Variants in ZC3H12B observed in about 807,000 individuals in gnomAD.
ZC3H12B encodes the protein zinc finger CCCH-type containing 12B.
A neutral mutation model predicts 43.9 loss-of-function variants in ZC3H12B; 7 were observed. The observed-to-expected ratio is 0.16, with a 90% CI of 0.09 to 0.30. The LOEUF (loss-of-function observed/expected upper bound fraction) is 0.30. ZC3H12B is among the 10% of genes least tolerant of loss of function. The probability of loss-of-function intolerance (pLI) is 1.00; values close to 1 mark genes in which losing one functional copy is unlikely to be tolerated. For missense variants in ZC3H12B, 475 were observed against 670.2 expected (o/e 0.71, Z 3.22); for synonymous variants, 222 against 241.7 (o/e 0.92, Z 0.76).
intron 2 of ZC3H12B, among the ~76,000 whole-genome samples, chrX:65,397,904 A>C (rs756085080): frequency 1.3e-4 from 15 of 112,290 alleles, no homozygotes; most frequent in African/African-American, 4.5e-4. Flanking sequence ...CCAAAAATCT[A>C]TTAGAACTGA....
the ZC3H12B span, among the ~76,000 whole-genome samples, chrX:65,183,351 G>C: frequency 9.0e-6 from 1 of 111,497 alleles, no homozygotes; most frequent in African/African-American, 3.3e-5. Flanking sequence ...ACTTACATGT[G>C]AAAACTAAAC....
chrX:65,201,417 T>C, the ZC3H12B span, among the ~76,000 whole-genome samples: 3 of 111,912 alleles, frequency 2.7e-5, no homozygotes, highest in Non-Finnish European at 3.8e-5. Context: ...TTTTTGTTTG[T>C]GTTTATTTGA....
At chrX:65,399,340 A>G (rs2066737592) in intron 3 of ZC3H12B, among the ~76,000 whole-genome samples, 1 of 112,285 alleles carries the variant, frequency 8.9e-6, no homozygotes, top group African/African-American at 3.2e-5. Context: ...GAAAGGAAAA[A>G]TATAATAAGC....
At chrX:65,258,668 TC>T in the ZC3H12B span, among the ~76,000 whole-genome samples, 3 of 111,520 alleles carry the variant, frequency 2.7e-5, no homozygotes, top group Admixed American at 2.9e-4. Context: ...TAAGAAAAAC[TC>T]ATAGTCTCTT....
At chrX:65,192,450 T>C in the ZC3H12B span, among the ~76,000 whole-genome samples, 1 of 111,540 alleles carries the variant, frequency 9.0e-6, no homozygotes, top group Non-Finnish European at 1.9e-5. Flanking sequence ...ATAAAAGGCT[T>C]GCAGTTTTTC....
At chrX:65,462,772 A>G (rs1299171296) in intron 3 of ZC3H12B, among the ~76,000 whole-genome samples, 2 of 111,787 alleles carry the variant, frequency 1.8e-5, no homozygotes, top group South Asian at 3.7e-4. Context: ...CTGGGTATAT[A>G]TCCAAAAGAA....
the ZC3H12B span, among the ~76,000 whole-genome samples, chrX:65,101,968 C>T: frequency 1.8e-5 from 2 of 112,002 alleles, no homozygotes; most frequent in African/African-American, 3.2e-5. Flanking sequence ...TGATGAACAT[C>T]GAGGCAAATA....
chrX:65,227,597 G>T, the ZC3H12B span, among the ~76,000 whole-genome samples: 2 of 111,308 alleles, frequency 1.8e-5, no homozygotes, highest in Non-Finnish European at 3.8e-5. Flanking sequence ...TCCAGTAGCT[G>T]GTTTTTTGAA....
At chrX:65,146,183 A>G in the ZC3H12B span, among the ~76,000 whole-genome samples, 1 of 110,534 alleles carries the variant, frequency 9.0e-6, no homozygotes, top group Non-Finnish European at 1.9e-5. Context: ...ATATTTTCTT[A>G]TTCATTTTTC....
In ZC3H12B at chrX:65,480,598, G is replaced by A. The variant is rs185077208; in HGVS notation, n.408-8048G>A. ...GCAGTGGCTCACGCCAGTAATCCCA[G>A]CACTTTGGGAGGCTGAGGGGGGCGG... On this transcript the variant is annotated intron_variant and non_coding_transcript_variant, in intron 3 of 5. Coordinates refer to the ZC3H12B transcript ENST00000617377. Among the ~76,000 whole-genome samples, 31 of 112,259 alleles carry A rather than the reference G, an allele frequency of 2.8e-4. No homozygotes were observed. The South Asian group carries it at 6.6e-3, about 24-fold the overall frequency.
the ZC3H12B span, among the ~76,000 whole-genome samples, chrX:65,227,515 C>T: frequency 1.8e-5 from 2 of 110,071 alleles, no homozygotes; most frequent in Non-Finnish European, 3.8e-5. Flanking sequence ...TAGCAGAAGG[C>T]AAGAAATAAC....
intron 3 of ZC3H12B, among the ~76,000 whole-genome samples, chrX:65,422,925 CTTTTTTTTTTTTT>C (rs34567013): frequency 6.5e-5 from 3 of 46,179 alleles, no homozygotes; most frequent in African/African-American, 3.2e-4. Flanking sequence ...TCTTTCTTTG[CTTTTTTTTTTTTT>C]TTTTTTTTTT....
rs1157523609 is a variant in ZC3H12B at position 65,374,076 on chromosome X, A to AC, written n.295+5078_295+5079insC. 4.2e-4 allele frequency among the ~76,000 whole-genome samples: 26 copies of AC among 62,437 alleles called. 1 individual carries two copies. Among genetic ancestry groups the AC allele is most frequent in the South Asian group, 2.3e-3 (3 of 1,330 alleles). The allele number at this position is 62,437 out of a possible 115,157, so 54.2% of individuals were successfully genotyped here. A position where few individuals can be genotyped will look rare whatever the true frequency, so the allele number is the denominator to read the frequency against. ...ATAACTATATATATACAGTATATAT[A>AC]ACTATATATAGTATATATATAACTA... On this transcript the variant is annotated intron_variant and non_coding_transcript_variant, in intron 2 of 5. Coordinates refer to the ZC3H12B transcript ENST00000617377.
the ZC3H12B span, among the ~76,000 whole-genome samples, chrX:65,283,027 G>A: frequency 4.0e-4 from 45 of 111,498 alleles, no homozygotes; most frequent in Admixed American, 5.7e-4. Flanking sequence ...CAAAAAAAGA[G>A]AATTTTAGAC....
chrX:65,141,431 A>C, the ZC3H12B span, among the ~76,000 whole-genome samples: 55 of 109,845 alleles, frequency 5.0e-4, no homozygotes, highest in Non-Finnish European at 1.1e-4. Context: ...TAACCCTCAT[A>C]ATAGTGTTAT....
At chrX:65,336,424 C>T in the ZC3H12B span, among the ~76,000 whole-genome samples, 5 of 112,151 alleles carry the variant, frequency 4.5e-5, no homozygotes, top group African/African-American at 1.3e-4. Flanking sequence ...CAGTGGACTG[C>T]CTGGGGAAGC....
At chrX:65,332,717 A>G in the ZC3H12B span, among the ~76,000 whole-genome samples, 1 of 111,956 alleles carries the variant, frequency 8.9e-6, no homozygotes. Flanking sequence ...AAAACAACTG[A>G]TGAGATTAGA....
At chrX:65,271,256 G>T in the ZC3H12B span, 2 of 111,925 alleles carry the variant, frequency 1.8e-5, no homozygotes, top group Non-Finnish European at 3.8e-5. Flanking sequence ...AATTCATCTA[G>T]CCATCATCTC....
At chrX:65,224,498 A>C in the ZC3H12B span, among the ~76,000 whole-genome samples, 2 of 112,619 alleles carry the variant, frequency 1.8e-5, no homozygotes, top group Non-Finnish European at 3.8e-5. Context: ...GGTTCATCTC[A>C]CTAGGGAGTG....
Sources: gnomAD v4.1 joint callset for allele counts (sites outside exome capture counted in the v4.1 genomes callset) on GRCh38, gnomAD v4.1.1 for gene constraint, MANE v1.5 for transcripts, NCBI Gene and HGNC (gene_info 2026-07-23, HGNC 2026-07-21) for gene names.